RAB3GAP1: variants seen among roughly 807,000 people sequenced by gnomAD.
RAB3GAP1 encodes RAB3 GTPase activating protein catalytic subunit 1.
Under a neutral mutation model 130.7 loss-of-function variants are expected in RAB3GAP1, and 86 were observed. The observed-to-expected ratio is 0.66, with a 90% confidence interval of 0.55 to 0.79. The LOEUF is 0.79. Ranked by LOEUF, RAB3GAP1 falls within the 30% of genes least tolerant of loss-of-function variation. The probability of loss-of-function intolerance (pLI) is 0.00; values close to 1 mark genes in which losing one functional copy is unlikely to be tolerated. For missense variants in RAB3GAP1, 1,029 were observed against 1,169.4 expected (o/e 0.88, Z 1.75); for synonymous variants, 367 against 401.7 (o/e 0.91, Z 1.03).
At chr2:135,154,101 C>T (rs1185720107) in intron 19 of RAB3GAP1, among the ~76,000 whole-genome samples, 1 of 152,172 alleles carries the variant, frequency 6.6e-6, no homozygotes. Context: ...TACCATTGAA[C>T]TGTCTCACAG....
chr2:135,162,372 A>G, intron 19 of RAB3GAP1, 183 bp from the exon 20 acceptor site: 1 of 628,982 alleles, frequency 1.6e-6, no homozygotes, highest in Non-Finnish European at 2.9e-6. Flanking sequence ...TATAATTATT[A>G]AAGATTGAAG....
In RAB3GAP1 at chr2:135,162,997, C is replaced by T. The variant is rs1281171790; in HGVS notation, c.2502C>T (p.His834=). The change falls in exon 22 of 24, where the codon CAC becomes CAT. Residue 834 remains histidine, a synonymous_variant. Coordinates refer to ENST00000264158, the MANE Select transcript of RAB3GAP1 (RefSeq NM_012233.3). ...TTTTCTACCGCCAGGAAATCATTCA[C>T]CAGATTACTAATGTGGAAGCTCTCA... is the stretch of plus-strand genomic sequence containing the variant. ...PEDKKLEEII[H]QITNVEALIA... is the part of the protein sequence containing the mutation. 2 of 1,613,070 alleles carry T rather than the reference C, an allele frequency of 1.2e-6. No homozygotes were observed. The highest frequency in any genetic ancestry group is 1.7e-6 in the Non-Finnish European group (2 of 1,179,180).
intron 5 of RAB3GAP1, among the ~76,000 whole-genome samples, chr2:135,106,110 C>T (rs552915177): frequency 3.8e-4 from 57 of 151,884 alleles, no homozygotes; most frequent in Non-Finnish European, 7.5e-4. Context: ...GGTCAGCCCC[C>T]GCCCTGCCAG....
At chr2:135,150,645 T>G (rs1308398310) in intron 18 of RAB3GAP1, 139 bp downstream of exon 18, 1 of 1,087,190 alleles carries the variant, frequency 9.2e-7, no homozygotes, top group African/African-American at 1.6e-5. Flanking sequence ...TTCAACACTC[T>G]GCCACCATCC....
chr2:135,054,182 G>C (rs1258302982), intron 2 of RAB3GAP1, among the ~76,000 whole-genome samples: 2 of 152,156 alleles, frequency 1.3e-5, no homozygotes, highest in East Asian at 3.9e-4. Context: ...AGATTGCTGG[G>C]CCCCATCCTC....
rs1688907484 is a variant in RAB3GAP1, at chr2:135,052,465, C to T, written c.54C>T (p.Thr18=). The change falls in exon 2 of 24, where the codon ACC becomes ACT. Residue 18 remains threonine, a synonymous_variant. Transcript: ENST00000264158. The part of the protein sequence containing the change: ...ESEVFEITDF[T]TASEWERFIS... ...AGGTATTTGAGATCACGGACTTCAC[C>T]ACTGCCTCGGAATGGGAAAGGTGAG... 1 of 1,613,962 alleles carries T rather than the reference C, an allele frequency of 6.2e-7. No individual in the cohort carries two copies. Among genetic ancestry groups the T allele is most frequent in the South Asian group, 1.1e-5 (1 of 91,062 alleles).
In RAB3GAP1 at chr2:135,164,631, G is replaced by C. The variant is rs751311844; in HGVS notation, c.2644G>C (p.Val882Leu). Residue 882 changes from valine to leucine, a missense_variant, in exon 23 of 24, where the codon GTC becomes CTC. By Grantham distance (32) the Val-to-Leu change is conservative. This residue lies in a region of RAB3GAP1 where 146 missense variants were observed against 143.7 expected (regional missense o/e 1.02). Coordinates refer to ENST00000264158, the MANE Select transcript of RAB3GAP1 (RefSeq NM_012233.3). ...SCLLEQPEVL[V>L]TGAGRGHAGR... ...CCTGCTGGAGCAGCCTGAAGTGTTA[G>C]TCACCGGTGCAGGAAGAGGACATGC... The C allele has an allele frequency of 6.2e-7, 1 of 1,613,558 alleles. No homozygotes were observed. Among genetic ancestry groups the C allele is most frequent in the South Asian group, 1.1e-5 (1 of 91,048 alleles).
At chr2:135,117,943 C>T (rs1305394968) in intron 7 of RAB3GAP1, among the ~76,000 whole-genome samples, 1 of 151,982 alleles carries the variant, frequency 6.6e-6, no homozygotes, top group East Asian at 1.9e-4. Flanking sequence ...GCCTCGACCT[C>T]CTGGGGTCAC....
intron 5 of RAB3GAP1, among the ~76,000 whole-genome samples, chr2:135,096,566 C>A (rs1264740184): frequency 6.6e-6 from 1 of 152,082 alleles, no homozygotes; most frequent in Non-Finnish European, 1.5e-5. Context: ...TGAATATATA[C>A]ATTTAATGTG....
intron 19 of RAB3GAP1, among the ~76,000 whole-genome samples, chr2:135,158,303 T>G (rs1353366952): frequency 6.6e-6 from 1 of 152,066 alleles, no homozygotes; most frequent in African/African-American, 2.4e-5. Flanking sequence ...AATGACTGAT[T>G]TCAAGATTGA....
intron 23 of RAB3GAP1, among the ~76,000 whole-genome samples, chr2:135,166,171 A>T (rs1486147780): frequency 1.3e-5 from 2 of 152,080 alleles, no homozygotes; most frequent in Non-Finnish European, 2.9e-5. Flanking sequence ...CATCTCAAAA[A>T]AAAAAAAAAA....
rs371857604 is a variant in RAB3GAP1 at position 135,162,736 on chromosome 2, T to C, written c.2387-12T>C. On this transcript the variant is annotated splice_polypyrimidine_tract_variant and intron_variant, in intron 20 of 23. Transcript: ENST00000264158. ...ATTTATTTAATGCTGGCTTCAATCT[T>C]TTCTAAAATAGAAAGTCTCGAAAAC... 4.3e-6 allele frequency: 7 copies of C among 1,610,242 alleles called. No individual in the cohort carries two copies. The highest frequency in any genetic ancestry group is 1.7e-4 in the Middle Eastern group (1 of 6,060).
intron 17 of RAB3GAP1, among the ~76,000 whole-genome samples, chr2:135,141,586 C>G (rs1573591107): frequency 6.6e-6 from 1 of 152,114 alleles, no homozygotes; most frequent in East Asian, 1.9e-4. Context: ...ACAGTCTCAT[C>G]TATCCTTGTT....
At position 135,054,478 on chromosome 2, in the gene RAB3GAP1, T is replaced by A. The variant is rs143851557; in HGVS notation, c.74+1993T>A. ...CCTAGAAGGGAGGATTGTAACATAT[T>A]TCAGAGAAGATTTAGGTAATAAACT... On this transcript the variant is annotated intron_variant, in intron 2 of 23. Coordinates refer to ENST00000264158, the MANE Select transcript of RAB3GAP1 (RefSeq NM_012233.3). Among the ~76,000 whole-genome samples, 454 of 152,324 alleles carry A rather than the reference T, an allele frequency of 3.0e-3. 13 individuals carry two copies. The highest frequency in any genetic ancestry group is 0.02 in the Admixed American group (303 of 15,300).
At position 135,120,675 on chromosome 2, in the gene RAB3GAP1, A is replaced by G. The variant is rs552690131; in HGVS notation, c.649-144A>G. 5.6e-5 allele frequency: 41 copies of G among 730,786 alleles called. No individual in the cohort carries two copies. The African/African-American group carries it at 6.3e-4, about 11-fold the overall frequency. The allele number at this position is 730,786 out of a possible 1,614,324, so 45.3% of individuals were successfully genotyped here. ...TGTTTTTAATAACTAGAATATGCACACTATTGTTTAACACTAGAATCTGAA... is the reference window on the plus strand; with the variant it reads ...TGTTTTTAATAACTAGAATATGCACGCTATTGTTTAACACTAGAATCTGAA... On this transcript the variant is annotated intron_variant, in intron 7 of 23. Coordinates refer to ENST00000264158, the MANE Select transcript of RAB3GAP1 (RefSeq NM_012233.3).
chr2:135,058,494 A>G (rs766653690), intron 3 of RAB3GAP1: 1 of 161,320 alleles, frequency 6.2e-6, no homozygotes, highest in Non-Finnish European at 1.3e-5. Flanking sequence ...GGAAAATTCT[A>G]GTACTTACCA....
At chr2:135,091,264 C>A in intron 4 of RAB3GAP1, 134 bp downstream of exon 4, 1 of 752,798 alleles carries the variant, frequency 1.3e-6, no homozygotes, top group Non-Finnish European at 2.1e-6. Flanking sequence ...TGTTTCACCA[C>A]ATCTGAGGTA....
chr2:135,095,711 T>C (rs6759260), intron 5 of RAB3GAP1, among the ~76,000 whole-genome samples: 4,114 of 152,248 alleles, frequency 0.027, 163 homozygotes, highest in African/African-American at 0.092. Context: ...ACAACAAGTT[T>C]TAAATTGTAT....
At chr2:135,109,993 T>G (rs60071110) in intron 5 of RAB3GAP1, among the ~76,000 whole-genome samples, 6,870 of 152,102 alleles carry the variant, frequency 0.045, 532 homozygotes, top group African/African-American at 0.16. Context: ...TTTTTAAAGC[T>G]CCCACGTAAT....
Sources: gnomAD v4.1 joint callset for allele counts (sites outside exome capture counted in the v4.1 genomes callset) on GRCh38, gnomAD v4.1.1 for gene constraint, gnomAD v4.1.1 regional missense constraint, MANE v1.5 for transcripts, NCBI Gene and HGNC (gene_info 2026-07-23, HGNC 2026-07-21) for gene names.